Variants in WWOX observed in about 807,000 individuals in gnomAD.
WWOX encodes WW domain containing oxidoreductase, also known as WW domain-containing oxidoreductase.
Under a neutral mutation model 46.2 loss-of-function variants are expected in WWOX, and 69 were observed. The ratio of observed to expected loss-of-function variants is 1.49; its 90% confidence interval spans 1.23 to 1.82. The LOEUF is 1.82. Among genes scored for constraint, WWOX ranks in the 40% most tolerant of loss-of-function variants. The pLI is 0.00. For missense variants in WWOX, 919 were observed against 542.6 expected (o/e 1.69, Z -6.89); for synonymous variants, 359 against 202.6 (o/e 1.77, Z -6.56).
intron 6 of WWOX, among the ~76,000 whole-genome samples, chr16:78,410,895 G>C (rs1037769647): frequency 3.3e-5 from 5 of 151,804 alleles, no homozygotes; most frequent in East Asian, 1.9e-4. Flanking sequence ...CATGGCTGTT[G>C]GCAGAGGTCA....
Position 78,190,995 on chromosome 16 carries a change from A to G in WWOX, c.516+26706A>G, listed in dbSNP as rs13337418. On this transcript the variant is annotated intron_variant, in intron 5 of 8. Coordinates refer to ENST00000566780, the MANE Select transcript of WWOX (RefSeq NM_016373.4). ...TTGAGTCTTGCACCTCTGGTCCACAATGTCCACATACCAGCTTGATGGTGA... is the reference window on the plus strand; with the variant it reads ...TTGAGTCTTGCACCTCTGGTCCACAGTGTCCACATACCAGCTTGATGGTGA... Among the ~76,000 whole-genome samples the G allele has an allele frequency of 8.2e-3, 1,252 of 152,272 alleles. 13 individuals carry two copies. Among genetic ancestry groups the G allele is most frequent in the African/African-American group, 0.028 (1,176 of 41,532 alleles).
intron 8 of WWOX, among the ~76,000 whole-genome samples, chr16:78,662,527 T>G (rs7199202): frequency 0.046 from 6,951 of 152,208 alleles, 437 homozygotes; most frequent in African/African-American, 0.14. Flanking sequence ...TCAGGCCCTT[T>G]GGACCAGTTG....
At chr16:78,494,086 T>C (rs1041970316) in intron 8 of WWOX, among the ~76,000 whole-genome samples, 11 of 152,176 alleles carry the variant, frequency 7.2e-5, no homozygotes, top group African/African-American at 2.4e-4. Context: ...CTTACAGTTA[T>C]GGCAGAAGGT....
At chr16:78,159,353 A>C (rs747537999) in intron 4 of WWOX, among the ~76,000 whole-genome samples, 1 of 152,122 alleles carries the variant, frequency 6.6e-6, no homozygotes, top group African/African-American at 2.4e-5. Context: ...TAATCCAGCA[A>C]TTTTTAATTC....
chr16:79,020,342 T>A (rs60586777), intron 8 of WWOX, among the ~76,000 whole-genome samples: 1 of 152,054 alleles, frequency 6.6e-6, no homozygotes, highest in Non-Finnish European at 1.5e-5. Context: ...CTATGGAGTC[T>A]TAAGTCCAAC....
chr16:78,546,458 A>G (rs1025160913), intron 8 of WWOX, among the ~76,000 whole-genome samples: 5 of 152,230 alleles, frequency 3.3e-5, no homozygotes, highest in Non-Finnish European at 7.3e-5. Flanking sequence ...TACTGGACCC[A>G]GAGTTTCATC....
At chr16:78,723,553 CCTTCTTTT>C (rs1170185242) in intron 8 of WWOX, among the ~76,000 whole-genome samples, 5 of 145,094 alleles carry the variant, frequency 3.4e-5, no homozygotes, top group Non-Finnish European at 6.1e-5. Context: ...TGATTCCCAG[CCTTCTTTT>C]CTTTTCTTTT....
chr16:78,495,232 C>T (rs996417273), intron 8 of WWOX, among the ~76,000 whole-genome samples: 26 of 141,830 alleles, frequency 1.8e-4, no homozygotes, highest in African/African-American at 6.1e-4. Context: ...CTTTTGCCTC[C>T]TAGATTCAAG....
chr16:78,437,141 G>C (rs1277973004), intron 8 of WWOX, among the ~76,000 whole-genome samples: 4 of 152,158 alleles, frequency 2.6e-5, no homozygotes, highest in African/African-American at 9.7e-5. Flanking sequence ...ACCCAGACTT[G>C]CGCTCGGAAG....
At chr16:78,157,841 T>C (rs1043133916) in intron 4 of WWOX, among the ~76,000 whole-genome samples, 1 of 152,216 alleles carries the variant, frequency 6.6e-6, no homozygotes, top group Non-Finnish European at 1.5e-5. Flanking sequence ...TCATAGTGAC[T>C]GTGCTGGATT....
At chr16:78,959,825 C>T (rs564757716) in intron 8 of WWOX, among the ~76,000 whole-genome samples, 12 of 152,196 alleles carry the variant, frequency 7.9e-5, no homozygotes, top group South Asian at 2.1e-4. Context: ...GGAAATCATA[C>T]GGGGAACTAT....
chr16:78,259,427 A>G (rs2038220422), intron 5 of WWOX, among the ~76,000 whole-genome samples: 1 of 152,120 alleles, frequency 6.6e-6, no homozygotes, highest in Admixed American at 6.5e-5. Flanking sequence ...CCCGGGTTCA[A>G]GCAATTCTCC....
chr16:78,960,069 A>G (rs1597208565), intron 8 of WWOX, among the ~76,000 whole-genome samples: 2 of 152,294 alleles, frequency 1.3e-5, no homozygotes, highest in East Asian at 3.9e-4. Flanking sequence ...GACAGACTAA[A>G]TGGCTACAGG....
At chr16:79,171,214 A>G (rs1464747553) in intron 8 of WWOX, among the ~76,000 whole-genome samples, 1 of 152,204 alleles carries the variant, frequency 6.6e-6, no homozygotes, top group Admixed American at 6.5e-5. Flanking sequence ...ACACCCGGGG[A>G]AAATGTAGAC....
chr16:79,019,710 A>C (rs2047493199), intron 8 of WWOX, among the ~76,000 whole-genome samples: 2 of 152,106 alleles, frequency 1.3e-5, no homozygotes, highest in South Asian at 4.2e-4. Context: ...TTGCAGGCAC[A>C]CTGAGGGGCA....
chr16:78,316,125 G>T (rs1286934812), intron 5 of WWOX, among the ~76,000 whole-genome samples: 2 of 151,962 alleles, frequency 1.3e-5, no homozygotes, highest in Non-Finnish European at 2.9e-5. Flanking sequence ...TGCACCTGTG[G>T]TCCCAGCTAC....
chr16:78,647,256 C>A (rs1030557609), intron 8 of WWOX, among the ~76,000 whole-genome samples: 5 of 152,116 alleles, frequency 3.3e-5, no homozygotes, highest in African/African-American at 1.2e-4. Context: ...AGGGCTGTTT[C>A]CCCAAGGAAA....
intron 8 of WWOX, among the ~76,000 whole-genome samples, chr16:79,056,320 C>G (rs571262420): frequency 1.3e-5 from 2 of 152,090 alleles, no homozygotes; most frequent in Non-Finnish European, 2.9e-5. Flanking sequence ...AGTGAATTCT[C>G]ATGACAATTT....
At chr16:78,954,076 A>C (rs750780637) in intron 8 of WWOX, among the ~76,000 whole-genome samples, 69 of 152,210 alleles carry the variant, frequency 4.5e-4, no homozygotes, top group Non-Finnish European at 7.9e-4. Context: ...TATCTTATTC[A>C]GTTCCTAGTC....
Sources: allele counts gnomAD v4.1 joint callset (sites outside exome capture counted in the v4.1 genomes callset), GRCh38; gene constraint gnomAD v4.1.1; transcripts MANE v1.5; gene names NCBI Gene and HGNC (gene_info 2026-07-23, HGNC 2026-07-21).